RSPH14: variants seen among roughly 807,000 people sequenced by gnomAD.
RSPH14 encodes rhabdoid tumor deletion region gene 1.
In RSPH14, 20 loss-of-function variants were observed where a neutral mutation model predicts 26.7. The observed-to-expected ratio is 0.75, with a 90% confidence interval of 0.53 to 1.09. The LOEUF is 1.09. Ranked by LOEUF, RSPH14 falls within the 50% of genes least tolerant of loss-of-function variation. The pLI, the probability that RSPH14 is intolerant of heterozygous loss-of-function variation, is 0.00. For missense variants in RSPH14, 449 were observed against 457.2 expected (o/e 0.98, Z 0.16); for synonymous variants, 177 against 189.3 (o/e 0.93, Z 0.53).
At chr22:23,100,056 A>G (rs2069250134) in intron 4 of RSPH14, among the ~76,000 whole-genome samples, 1 of 152,252 alleles carries the variant, frequency 6.6e-6, no homozygotes, top group Admixed American at 6.5e-5. Flanking sequence ...TTCCCGACGG[A>G]GCTGTCAGCA....
intron 4 of RSPH14, chr22:23,096,205 C>T (rs1167011631): frequency 8.1e-6 from 13 of 1,613,634 alleles, no homozygotes; most frequent in Non-Finnish European, 1.1e-5. Context: ...ACTATATCCC[C>T]ACTGTCGAGG....
chr22:23,095,899 G>C, intron 4 of RSPH14: 1 of 1,613,678 alleles, frequency 6.2e-7, no homozygotes, highest in Non-Finnish European at 8.5e-7. Flanking sequence ...CCTGCAAGGA[G>C]TACAAGCCCC....
chr22:23,077,207 T>G (rs569548838), intron 4 of RSPH14, among the ~76,000 whole-genome samples: 1 of 152,236 alleles, frequency 6.6e-6, no homozygotes, highest in East Asian at 1.9e-4. Context: ...CTATCTCTCC[T>G]TACATGCCCC....
chr22:23,161,396 A>T, the RSPH14 span: 1 of 1,070,104 alleles, frequency 9.3e-7, no homozygotes, highest in Non-Finnish European at 1.4e-6. Flanking sequence ...CAGCAGGCCC[A>T]GAAGCTTCAG....
intron 4 of RSPH14, among the ~76,000 whole-genome samples, chr22:23,125,457 G>A (rs2146411359): frequency 6.6e-6 from 1 of 152,282 alleles, no homozygotes; most frequent in Non-Finnish European, 1.5e-5. Context: ...AGTAGTGTAG[G>A]GCAAACCTTG....
rs976908899 is a variant in RSPH14, at chr22:23,124,051, C to T, written c.421+9975G>A. ...GCCACTCACAGCTCTTTTTAAAAAA[C>T]AGCTTCAAAATATGCAGCAAAAACC... On this transcript the variant is annotated intron_variant, in intron 4 of 6. Transcript: ENST00000216036. The T allele has an allele frequency of 2.6e-5, 6 of 229,298 alleles. No individual in the cohort carries two copies. In the East Asian group the frequency reaches 8.2e-4, roughly 31 times the overall value. 14.2% of individuals were successfully genotyped at this position (229,298 alleles called of 1,614,324 possible). A position where few individuals can be genotyped will look rare whatever the true frequency, so the allele number is the denominator to read the frequency against.
the RSPH14 span, among the ~76,000 whole-genome samples, chr22:23,170,096 A>AG: frequency 2.7e-5 from 4 of 149,226 alleles, no homozygotes; most frequent in Non-Finnish European, 6.0e-5. Flanking sequence ...GACCCTTTAA[A>AG]AAAAAAAAAA....
intron 4 of RSPH14, among the ~76,000 whole-genome samples, chr22:23,086,451 C>T (rs994765469): frequency 6.6e-6 from 1 of 152,254 alleles, no homozygotes; most frequent in Non-Finnish European, 1.5e-5. Context: ...CAGCTGTCCC[C>T]TGCGTGTCTC....
At chr22:23,145,331 A>G (rs1318550288), upstream of RSPH14, 1 of 1,413,664 alleles carries the variant, frequency 7.1e-7, no homozygotes, top group Non-Finnish European at 9.4e-7. Flanking sequence ...CTCTGCTGCC[A>G]GCCCCGCCCA....
chr22:23,119,229 G>T lies in RSPH14; in HGVS notation c.421+14797C>A, dbSNP rs565192317. On this transcript the variant is annotated intron_variant, in intron 4 of 6. Coordinates refer to ENST00000216036, the MANE Select transcript of RSPH14 (RefSeq NM_014433.3). ...TGACACAGGCTCCCGAGGTCACCAG[G>T]CAAGCACCAGGGCCCAGGCTGGGCA... 4.4e-4 allele frequency among the ~76,000 whole-genome samples: 67 copies of T among 152,342 alleles called. 2 individuals carry two copies. Among genetic ancestry groups the T allele is most frequent in the Middle Eastern group, 3.4e-3 (1 of 294 alleles).
At chr22:23,113,887 C>T (rs986787196) in intron 4 of RSPH14, among the ~76,000 whole-genome samples, 1 of 152,236 alleles carries the variant, frequency 6.6e-6, no homozygotes, top group Non-Finnish European at 1.5e-5. Flanking sequence ...GGCAGGCACC[C>T]GCTACCGATG....
upstream of RSPH14, chr22:23,142,118 A>G (rs1255640866): frequency 5.1e-6 from 4 of 782,798 alleles, no homozygotes; most frequent in Non-Finnish European, 6.2e-6. Context: ...GCCGGCTGCA[A>G]AGCGGGAACA....
chr22:23,104,784 C>T (rs2069412008), intron 4 of RSPH14, among the ~76,000 whole-genome samples: 1 of 152,184 alleles, frequency 6.6e-6, no homozygotes, highest in African/African-American at 2.4e-5. Flanking sequence ...CAGGATGCAG[C>T]AGCAAGGCTC....
intron 4 of RSPH14, among the ~76,000 whole-genome samples, chr22:23,102,514 G>T (rs931950402): frequency 3.3e-5 from 5 of 152,222 alleles, no homozygotes; most frequent in Admixed American, 2.6e-4. Flanking sequence ...TTGTGCAGTG[G>T]CTCCTTGCCC....
chr22:23,134,548 C>CAAAAAAAAAAAA (rs59412175), intron 3 of RSPH14, among the ~76,000 whole-genome samples: 1 of 86,148 alleles, frequency 1.2e-5, no homozygotes, highest in African/African-American at 4.6e-5. Flanking sequence ...AACTCCCAAC[C>CAAAAAAAAAAAA]AAAAAAAAAA....
At chr22:23,158,169 G>A in the RSPH14 span, 232 of 1,517,652 alleles carry the variant, frequency 1.5e-4, 1 homozygote, top group African/African-American at 3.0e-3. Context: ...CCCCTTGTCA[G>A]AACCAGCTGC....
chr22:23,126,109 T>C (rs879530691), intron 4 of RSPH14, among the ~76,000 whole-genome samples: 2 of 152,230 alleles, frequency 1.3e-5, no homozygotes, highest in South Asian at 2.1e-4. Context: ...TTGAGACTTA[T>C]TTTGTGCTTT....
intron 4 of RSPH14, among the ~76,000 whole-genome samples, chr22:23,077,089 G>A (rs1442923146): frequency 6.6e-6 from 1 of 152,226 alleles, no homozygotes; most frequent in Non-Finnish European, 1.5e-5. Context: ...AGTCATGGTC[G>A]ATTAGTGATG....
the RSPH14 span, chr22:23,161,069 G>A: frequency 2.1e-4 from 325 of 1,519,106 alleles, no homozygotes; most frequent in East Asian, 3.4e-4. Flanking sequence ...CGCCATCCTC[G>A]TCACCTGAGG....
Sources: allele counts gnomAD v4.1 joint callset (sites outside exome capture counted in the v4.1 genomes callset), GRCh38; gene constraint gnomAD v4.1.1; transcripts MANE v1.5; gene names NCBI Gene and HGNC (gene_info 2026-07-23, HGNC 2026-07-21).